GNAI3: variants seen among roughly 807,000 people sequenced by gnomAD.
GNAI3 encodes G protein subunit alpha i3.
A neutral mutation model predicts 41.8 loss-of-function variants in GNAI3; 12 were observed. That is an observed-to-expected ratio of 0.29 (90% confidence interval 0.18 to 0.47). The LOEUF is 0.47. Ranked by LOEUF, GNAI3 falls within the 20% of genes least tolerant of loss-of-function variation. GNAI3 has a pLI of 1.00. For synonymous variants in GNAI3, 132 were observed against 146.5 expected (o/e 0.90, Z 0.71); for missense variants, 360 against 429.6 (o/e 0.84, Z 1.43).
rs1339406455 is a variant in GNAI3 at position 109,599,566 on chromosome 1, CGT to C, written c.*7245_*7246del. 1 of 152,134 alleles carries C rather than the reference CGT, an allele frequency of 6.6e-6. No individual in the cohort carries two copies. The highest frequency in any genetic ancestry group is 1.5e-5 in the Non-Finnish European group (1 of 68,022). 9.4% of individuals were successfully genotyped at this position (152,134 alleles called of 1,614,324 possible). A position where few individuals can be genotyped will look rare whatever the true frequency, so the allele number is the denominator to read the frequency against. Reference sequence around the variant, plus strand: ...ACTATCAGATTTATGTGAAATGTAACGTAATTTACATTTGATTTACTGTTAGT... The same window carrying C: ...ACTATCAGATTTATGTGAAATGTAACAATTTACATTTGATTTACTGTTAGT... On this transcript the variant is annotated 3_prime_UTR_variant, in exon 9 of 9. Coordinates refer to ENST00000369851, the MANE Select transcript of GNAI3 (RefSeq NM_006496.4).
In GNAI3 at chr1:109,567,772, A is replaced by G. The variant is rs1319508742; in HGVS notation, c.119-5965A>G. ...ACATTGGAAATGGCATTCATAAATA[A>G]TAGCTAGCTAACATTTATGGAACAT... On this transcript the variant is annotated intron_variant, in intron 1 of 8. Coordinates refer to ENST00000369851, the MANE Select transcript of GNAI3 (RefSeq NM_006496.4). Among the ~76,000 whole-genome samples, 4 of 152,240 alleles carry G rather than the reference A, an allele frequency of 2.6e-5. No individual in the cohort carries two copies. In the East Asian group the frequency reaches 5.8e-4, roughly 22 times the overall value.
At chr1:109,569,689 C>G (rs1648543559) in intron 1 of GNAI3, among the ~76,000 whole-genome samples, 1 of 151,928 alleles carries the variant, frequency 6.6e-6, no homozygotes, top group African/African-American at 2.4e-5. Flanking sequence ...AAATAGTGCC[C>G]CTGAGATGGA....
intron 1 of GNAI3, among the ~76,000 whole-genome samples, chr1:109,566,381 GT>G (rs1236598235): frequency 6.6e-6 from 1 of 152,028 alleles, no homozygotes; most frequent in Admixed American, 6.6e-5. Flanking sequence ...TGTATTTGAA[GT>G]CACCATATTC....
At chr1:109,559,572 A>G (rs1211661235) in intron 1 of GNAI3, among the ~76,000 whole-genome samples, 2 of 152,234 alleles carry the variant, frequency 1.3e-5, no homozygotes, top group African/African-American at 4.8e-5. Flanking sequence ...AGTTTGATTG[A>G]AGTTAGCTTA....
intron 3 of GNAI3, among the ~76,000 whole-genome samples, chr1:109,578,402 G>A (rs1279082243): frequency 8.0e-5 from 12 of 150,344 alleles, no homozygotes; most frequent in Non-Finnish European, 1.8e-4. Flanking sequence ...CCCAGGAGGC[G>A]GAGGTTACAA....
chr1:109,586,361 T>C lies in GNAI3; in HGVS notation c.720+16T>C. 5 of 1,606,540 alleles carry C rather than the reference T, an allele frequency of 3.1e-6. No individual in the cohort carries two copies. The highest frequency in any genetic ancestry group is 4.3e-6 in the Non-Finnish European group (5 of 1,176,374). On this transcript the variant is annotated intron_variant, in intron 6 of 8. Transcript: ENST00000369851. ...CGAGGAGATGGTATGTTGGAGCTTC[T>C]GGTAAAAAGCCTGTCTAATGTAGCC...
intron 1 of GNAI3, among the ~76,000 whole-genome samples, chr1:109,552,663 T>C (rs977760654): frequency 3.3e-5 from 5 of 152,212 alleles, no homozygotes; most frequent in Admixed American, 6.5e-5. Flanking sequence ...TGTAATACTT[T>C]GTATTTTTTT....
In GNAI3 at chr1:109,596,223, A is replaced by G. The variant is rs992461855; in HGVS notation, c.*3901A>G. On this transcript the variant is annotated 3_prime_UTR_variant, in exon 9 of 9. Coordinates refer to ENST00000369851, the MANE Select transcript of GNAI3 (RefSeq NM_006496.4). The stretch of plus-strand genomic sequence containing the variant: ...AACTTTAATGATGATCAAGGTCTTT[A>G]TGCCTTTATCTTTTAGTTTTTAAGA... 2 of 152,150 alleles carry G rather than the reference A, an allele frequency of 1.3e-5. No homozygotes were observed. Among genetic ancestry groups the G allele is most frequent in the Non-Finnish European group, 2.9e-5 (2 of 68,012 alleles). 9.4% of individuals were successfully genotyped at this position (152,150 alleles called of 1,614,324 possible).
chr1:109,550,457 G>T (rs375329981), intron 1 of GNAI3, among the ~76,000 whole-genome samples: 2 of 152,136 alleles, frequency 1.3e-5, no homozygotes, highest in African/African-American at 4.8e-5. Flanking sequence ...CTGTTAACCA[G>T]CCTGAGCCAG....
At chr1:109,558,225 C>T (rs959395446) in intron 1 of GNAI3, among the ~76,000 whole-genome samples, 1 of 152,044 alleles carries the variant, frequency 6.6e-6, no homozygotes, top group African/African-American at 2.4e-5. Context: ...GAGTTCCAGA[C>T]CAGCCTGGCC....
intron 1 of GNAI3, among the ~76,000 whole-genome samples, chr1:109,567,971 GT>G (rs35770839): frequency 0.26 from 36,293 of 139,466 alleles, 4,825 homozygotes; most frequent in African/African-American, 0.38. Flanking sequence ...AGGGGATAGT[GT>G]TTTTTTTTTT....
intron 1 of GNAI3, among the ~76,000 whole-genome samples, chr1:109,568,992 C>T (rs547771304): frequency 2.0e-4 from 30 of 152,210 alleles, no homozygotes; most frequent in Non-Finnish European, 4.0e-4. Context: ...CATTCCCTGT[C>T]CCCAGATAGT....
chr1:109,595,541 A>T lies in GNAI3; in HGVS notation c.*3219A>T, dbSNP rs1475948700. 1 of 152,178 alleles carries T rather than the reference A, an allele frequency of 6.6e-6. No individual in the cohort carries two copies. The highest frequency in any genetic ancestry group is 1.5e-5 in the Non-Finnish European group (1 of 68,034). The allele number at this position is 152,178 out of a possible 1,614,324, so 9.4% of individuals were successfully genotyped here. A position where few individuals can be genotyped will look rare whatever the true frequency, so the allele number is the denominator to read the frequency against. On this transcript the variant is annotated 3_prime_UTR_variant, in exon 9 of 9. Coordinates refer to ENST00000369851, the MANE Select transcript of GNAI3 (RefSeq NM_006496.4). ...TATATTCTATTTGTTGTATATACAC[A>T]TTAGACTATTTTAAAATAACAGCTG...
intron 4 of GNAI3, 34 bp downstream of exon 4, chr1:109,579,395 G>C (rs745549104): frequency 2.4e-5 from 37 of 1,531,730 alleles, no homozygotes; most frequent in Non-Finnish European, 3.1e-5. Context: ...CTATAACAGA[G>C]AATAACTTGG....
chr1:109,566,609 C>T (rs190677974), intron 1 of GNAI3, among the ~76,000 whole-genome samples: 8 of 152,108 alleles, frequency 5.3e-5, no homozygotes, highest in Non-Finnish European at 1.2e-4. Context: ...TTGCCCAGGC[C>T]GGAGTGCAAT....
Position 109,555,172 on chromosome 1 carries a change from G to GA in GNAI3, c.118+6340dup, listed in dbSNP as rs529655008. Among the ~76,000 whole-genome samples the GA allele has an allele frequency of 1.2e-3, 188 of 152,182 alleles. 2 individuals are homozygous for GA. The highest frequency in any genetic ancestry group is 0.011 in the South Asian group (52 of 4,818). Reference sequence around the variant, plus strand: ...ACCACCATCATTCTTCACAGAACTAGAAAAAACAATCCTAAAATTCATGTG... The same window carrying GA: ...ACCACCATCATTCTTCACAGAACTAGAAAAAAACAATCCTAAAATTCATGTG... On this transcript the variant is annotated intron_variant, in intron 1 of 8. Coordinates refer to ENST00000369851, the MANE Select transcript of GNAI3 (RefSeq NM_006496.4).
intron 1 of GNAI3, among the ~76,000 whole-genome samples, chr1:109,552,118 C>T (rs1185786889): frequency 2.0e-5 from 3 of 151,216 alleles, no homozygotes; most frequent in Non-Finnish European, 2.9e-5. Flanking sequence ...GCAGAGATGA[C>T]GCCACTGCAC....
At position 109,596,706 on chromosome 1, in the gene GNAI3, A is replaced by G. The variant is rs1288135259; in HGVS notation, c.*4384A>G. The G allele has an allele frequency of 6.6e-6, 1 of 152,196 alleles. No individual in the cohort carries two copies. The highest frequency in any genetic ancestry group is 1.5e-5 in the Non-Finnish European group (1 of 68,044). 9.4% of individuals were successfully genotyped at this position (152,196 alleles called of 1,614,324 possible). ...CAGGCCTAGGCCTGGGCTGACTCAA[A>G]TCTTCTCAGGAATAAGAGGTAAGAA... On this transcript the variant is annotated 3_prime_UTR_variant, in exon 9 of 9. Coordinates refer to ENST00000369851, the MANE Select transcript of GNAI3 (RefSeq NM_006496.4).
At chr1:109,548,967 C>A in intron 1 of GNAI3, 129 bp downstream of exon 1, 2 of 187,192 alleles carry the variant, frequency 1.1e-5, no homozygotes, top group Non-Finnish European at 2.2e-5. Context: ...GGGCGTGGGG[C>A]GGGGTGTTGG....
Sources: allele counts gnomAD v4.1 joint callset (sites outside exome capture counted in the v4.1 genomes callset), GRCh38; gene constraint gnomAD v4.1.1; transcripts MANE v1.5; gene names NCBI Gene and HGNC (gene_info 2026-07-23, HGNC 2026-07-21).